PPM1N: variants seen among roughly 807,000 people sequenced by gnomAD.
PPM1N encodes protein phosphatase, Mg2+/Mn2+ dependent 1N (putative).
In PPM1N, 35 loss-of-function variants were observed where a neutral mutation model predicts 32.6. The observed-to-expected ratio is 1.07, with a 90% CI of 0.82 to 1.43. The LOEUF (loss-of-function observed/expected upper bound fraction) is 1.43. PPM1N is among the 40% of genes most tolerant of loss of function. The pLI is 0.00. For synonymous variants in PPM1N, 275 were observed against 270.5 expected, an observed-to-expected ratio of 1.02 and a Z score of -0.16; for missense variants, 648 against 606.6, an observed-to-expected ratio of 1.07 and a Z score of -0.72.
chr19:45,498,583 G>T lies in PPM1N; in HGVS notation c.111G>T (p.Arg37Ser). The change falls in exon 1 of 5, where the codon AGG (arginine) becomes AGT (serine). Residue 37 changes from arginine (R) to serine (S), a missense_variant. Transcript: ENST00000451287. The part of the protein sequence containing the change: ...EEEEEEEAGR[R>S]APEGPRSLLT... Reference sequence around the variant, plus strand: ...AGGAGGAGGAGGAGGCGGGGCGCAGGGCCCCCGAAGGGCCTCGGTCTCTGT... The same window carrying T: ...AGGAGGAGGAGGAGGCGGGGCGCAGTGCCCCCGAAGGGCCTCGGTCTCTGT... 1.4e-6 allele frequency: 2 copies of T among 1,458,836 alleles called. No homozygotes were observed. Among genetic ancestry groups the T allele is most frequent in the East Asian group, 2.9e-5 (1 of 34,230 alleles). 90.4% of individuals were successfully genotyped at this position (1,458,836 alleles called of 1,614,324 possible). A position where few individuals can be genotyped will look rare whatever the true frequency, so the allele number is the denominator to read the frequency against.
Position 45,502,094 on chromosome 19 carries a change from G to A in PPM1N, c.*9G>A, listed in dbSNP as rs1447954895. 1 of 1,586,858 alleles carries A rather than the reference G, an allele frequency of 6.3e-7. No individual in the cohort carries two copies. Among genetic ancestry groups the A allele is most frequent in the East Asian group, 2.4e-5 (1 of 42,260 alleles). ...TGGACATGGAGGCCTGACAGCTGTT[G>A]TCCTTTGGGGATCCTTTGCTTCTCT... is the stretch of plus-strand genomic sequence containing the variant. On this transcript the variant is annotated 3_prime_UTR_variant, in exon 5 of 5. Transcript: ENST00000451287.
chr19:45,499,707 C>G, intron 1 of PPM1N: 1 of 1,545,124 alleles, frequency 6.5e-7, no homozygotes. Flanking sequence ...TTGATTAGTG[C>G]TGGAAGGTGG....
chr19:45,500,715 G>C lies in PPM1N; in HGVS notation c.1224+5G>C. ...GTCTCAGAAGAGTGCGGAGAGGTAAGGATCCTGTGTTCTCCAGTGTTTCTC... is the reference window on the plus strand; with the variant it reads ...GTCTCAGAAGAGTGCGGAGAGGTAACGATCCTGTGTTCTCCAGTGTTTCTC... On this transcript the variant is annotated splice_donor_5th_base_variant and intron_variant, in intron 4 of 4. Transcript: ENST00000451287. 6.3e-7 allele frequency: 1 copy of C among 1,593,504 alleles called. No individual in the cohort carries two copies. The highest frequency in any genetic ancestry group is 8.5e-7 in the Non-Finnish European group (1 of 1,170,204).
chr19:45,501,947 A>C, intron 4 of PPM1N, 70 bp from the exon 5 acceptor site: 2 of 1,077,308 alleles, frequency 1.9e-6, no homozygotes, highest in Non-Finnish European at 2.6e-6. Context: ...GGTCCCTCAA[A>C]GGAAAAGGAA....
chr19:45,499,304 G>A lies in PPM1N; in HGVS notation c.832G>A (p.Asp278Asn), dbSNP rs191046425. ...FMLLASDGVW[D>N]TVSGAALAGL... ...GCTCCTGGCCTCTGATGGCGTCTGG[G>A]ACACTGTGTCTGGTGCTGCCCTGGC... The change falls in exon 1 of 5, where the codon GAC becomes AAC. Residue 278 changes from aspartate (D) to asparagine (N), a missense_variant. By Grantham distance (23) the Asp-to-Asn change is conservative. Coordinates refer to ENST00000451287, the MANE Select transcript of PPM1N (RefSeq NM_001080401.2). The A allele has an allele frequency of 1.3e-4, 215 of 1,613,178 alleles. No homozygotes were observed. The African/African-American group carries it at 2.1e-3, about 16-fold the overall frequency.
rs1328380052 is a variant in PPM1N, at chr19:45,502,339, A to AAC, written c.*255_*256insCA. 1.8e-6 allele frequency: 1 copy of AAC among 552,854 alleles called. No homozygotes were observed. The highest frequency in any genetic ancestry group is 2.1e-5 in the African/African-American group (1 of 46,796). 34.2% of individuals were successfully genotyped at this position (552,854 alleles called of 1,614,324 possible). ...AAAAAAAAAAAAAAAAAAAAACAAA[A>AAC]AAACCCAACCAAATGTTTTTGAAAT... is the stretch of plus-strand genomic sequence containing the variant. On this transcript the variant is annotated 3_prime_UTR_variant, in exon 5 of 5. Coordinates refer to ENST00000451287, the MANE Select transcript of PPM1N (RefSeq NM_001080401.2).
At chr19:45,499,484 G>C in intron 1 of PPM1N, 73 bp downstream of exon 1, 1 of 1,593,030 alleles carries the variant, frequency 6.3e-7, no homozygotes, top group Non-Finnish European at 8.5e-7. Context: ...TTTTGGGGAG[G>C]AGGGCTTTGA....
In PPM1N at chr19:45,499,355, T is replaced by C. The variant is rs766040355; in HGVS notation, c.883T>C (p.Leu295=). Reference sequence around the variant, plus strand: ...GGGACTGGTGGCTTCACGCCTCCGCTTGGGCCTGGCCCCAGAGCTTCTCTG... The same window carrying C: ...GGGACTGGTGGCTTCACGCCTCCGCCTGGGCCTGGCCCCAGAGCTTCTCTG... The part of the protein sequence containing the change: ...LAGLVASRLR[L]GLAPELLCAQ... The change falls in exon 1 of 5, where the codon TTG becomes CTG. Residue 295 remains leucine, a synonymous_variant. Coordinates refer to ENST00000451287, the MANE Select transcript of PPM1N (RefSeq NM_001080401.2). 1.2e-6 allele frequency: 2 copies of C among 1,611,890 alleles called. No homozygotes were observed. Among genetic ancestry groups the C allele is most frequent in the Admixed American group, 3.3e-5 (2 of 59,806 alleles).
Position 45,498,582 on chromosome 19 carries a change from G to A in PPM1N, c.110G>A (p.Arg37Lys). Residue 37 changes from arginine (R) to lysine (K), a missense_variant, in exon 1 of 5, where the codon AGG becomes AAG. By Grantham distance (26) the Arg-to-Lys change is conservative. Coordinates refer to ENST00000451287, the MANE Select transcript of PPM1N (RefSeq NM_001080401.2). Reference sequence around the variant, plus strand: ...GAGGAGGAGGAGGAGGCGGGGCGCAGGGCCCCCGAAGGGCCTCGGTCTCTG... The same window carrying A: ...GAGGAGGAGGAGGAGGCGGGGCGCAAGGCCCCCGAAGGGCCTCGGTCTCTG... Reference protein sequence around the residue: ...EEEEEEEAGRRAPEGPRSLLT... With the variant: ...EEEEEEEAGRKAPEGPRSLLT... The A allele has an allele frequency of 6.8e-7, 1 of 1,459,890 alleles. No individual in the cohort carries two copies. Among genetic ancestry groups the A allele is most frequent in the Non-Finnish European group, 9.0e-7 (1 of 1,110,954 alleles). The allele number at this position is 1,459,890 out of a possible 1,614,324, so 90.4% of individuals were successfully genotyped here. A position where few individuals can be genotyped will look rare whatever the true frequency, so the allele number is the denominator to read the frequency against.
intron 3 of PPM1N, 23 bp downstream of exon 3, chr19:45,500,584 G>A (rs950886817): frequency 6.3e-7 from 1 of 1,595,934 alleles, no homozygotes; most frequent in Non-Finnish European, 8.5e-7. Flanking sequence ...GAGGAAGGGT[G>A]GGGTGGAATG....
Position 45,498,675 on chromosome 19 carries a change from G to C in PPM1N, c.203G>C (p.Gly68Ala), listed in dbSNP as rs773921468. Reference protein sequence around the residue: ...GAEASGGLRFGASAAQGWRAR... With the variant: ...GAEASGGLRFAASAAQGWRAR... ...GAGGCGTCTGGGGGCCTGCGCTTCG[G>C]GGCGAGCGCAGCGCAAGGCTGGCGC... Residue 68 changes from glycine (G) to alanine (A), a missense_variant, in exon 1 of 5, where the codon GGG (glycine) becomes GCG (alanine). Physicochemically the swap from Gly to Ala is moderately conservative, Grantham distance 60. Coordinates refer to ENST00000451287, the MANE Select transcript of PPM1N (RefSeq NM_001080401.2). The C allele has an allele frequency of 3.1e-5, 45 of 1,446,164 alleles. No homozygotes were observed. Among genetic ancestry groups the C allele is most frequent in the African/African-American group, 1.2e-4 (8 of 66,950 alleles). 89.6% of individuals were successfully genotyped at this position (1,446,164 alleles called of 1,614,324 possible).
chr19:45,500,654 A>G lies in PPM1N; in HGVS notation c.1168A>G (p.Thr390Ala). Reference protein sequence around the residue: ...PPGGGLDCKATVIAEVYSQIC... With the variant: ...PPGGGLDCKAAVIAEVYSQIC... ...GGGCCTTCCTGTGCTCTCCAGGGCCACTGTCATTGCTGAAGTTTATTCTCA... is the reference window on the plus strand; with the variant it reads ...GGGCCTTCCTGTGCTCTCCAGGGCCGCTGTCATTGCTGAAGTTTATTCTCA... The change falls in exon 4 of 5, where the codon ACT becomes GCT. Residue 390 changes from threonine (T) to alanine (A), a missense_variant. Coordinates refer to ENST00000451287, the MANE Select transcript of PPM1N (RefSeq NM_001080401.2). The G allele has an allele frequency of 6.2e-7, 1 of 1,602,748 alleles. No homozygotes were observed. The highest frequency in any genetic ancestry group is 8.5e-7 in the Non-Finnish European group (1 of 1,174,840).
Position 45,502,378 on chromosome 19 carries a change from C to G in PPM1N, c.*293C>G, listed in dbSNP as rs1341086635. 6 of 522,710 alleles carry G rather than the reference C, an allele frequency of 1.1e-5. No individual in the cohort carries two copies. Among genetic ancestry groups the G allele is most frequent in the Non-Finnish European group, 1.9e-5 (6 of 312,944 alleles). 32.4% of individuals were successfully genotyped at this position (522,710 alleles called of 1,614,324 possible). A position where few individuals can be genotyped will look rare whatever the true frequency, so the allele number is the denominator to read the frequency against. On this transcript the variant is annotated 3_prime_UTR_variant, in exon 5 of 5. Coordinates refer to ENST00000451287, the MANE Select transcript of PPM1N (RefSeq NM_001080401.2). ...TGTTTTTGAAATATTCAGAGCCGAA[C>G]AGATTCTGAGAGATAACCCAGTCCA... is the stretch of plus-strand genomic sequence containing the variant.
Position 45,498,957 on chromosome 19 carries a change from G to C in PPM1N, c.485G>C (p.Gly162Ala). ...RSLWPRVETGGCTAVVLLVSP... is the reference protein window; with the variant it reads ...RSLWPRVETGACTAVVLLVSP... ...CTCTGGCCCCGCGTGGAAACGGGCG[G>C]CTGCACGGCCGTGGTGTTGCTGGTC... Residue 162 changes from glycine (G) to alanine (A), a missense_variant, in exon 1 of 5, where the codon GGC (glycine) becomes GCC (alanine). Coordinates refer to ENST00000451287, the MANE Select transcript of PPM1N (RefSeq NM_001080401.2). The C allele has an allele frequency of 6.4e-7, 1 of 1,555,714 alleles. No homozygotes were observed. Among genetic ancestry groups the C allele is most frequent in the South Asian group, 1.2e-5 (1 of 85,688 alleles).
At position 45,499,912 on chromosome 19, in the gene PPM1N, C is replaced by G. The variant is rs746491040; in HGVS notation, c.940-37C>G. The G allele has an allele frequency of 1.0e-5, 16 of 1,550,534 alleles. No individual in the cohort carries two copies. In the Admixed American group the frequency reaches 2.9e-4, roughly 29 times the overall value. ...TTGTTGGGAAGCTCTGCCTTGGACT[C>G]TCCCCCACCGGGCTCCTTTTTCTCC... On this transcript the variant is annotated intron_variant, in intron 1 of 4. Transcript: ENST00000451287.
Position 45,500,517 on chromosome 19 carries a change from A to G in PPM1N, c.1119A>G (p.Ser373=). The G allele has an allele frequency of 1.2e-6, 2 of 1,611,784 alleles. No homozygotes were observed. Among genetic ancestry groups the G allele is most frequent in the Non-Finnish European group, 8.5e-7 (1 of 1,178,942 alleles). Residue 373 remains serine (S), a synonymous_variant, in exon 3 of 5, where the codon TCA becomes TCG. Transcript: ENST00000451287. ...SLNTVFRTLA[S]EDIPDLPPGG... ...ACACAGTTTTCAGGACTCTGGCCTC[A>G]GAGGACATCCCAGATTTACCTCCTG...
In PPM1N at chr19:45,499,324, C is replaced by A; in HGVS notation, c.852C>A (p.Ala284=). 1 of 1,613,030 alleles carries A rather than the reference C, an allele frequency of 6.2e-7. No individual in the cohort carries two copies. The highest frequency in any genetic ancestry group is 8.5e-7 in the Non-Finnish European group (1 of 1,179,848). Residue 284 remains alanine, a synonymous_variant, in exon 1 of 5, where the codon GCC becomes GCA. Transcript: ENST00000451287. The stretch of plus-strand genomic sequence containing the variant: ...TCTGGGACACTGTGTCTGGTGCTGC[C>A]CTGGCGGGACTGGTGGCTTCACGCC... ...DGVWDTVSGA[A]LAGLVASRLR...
Position 45,499,293 on chromosome 19 carries a change from A to T in PPM1N, c.821A>T (p.Asp274Val). 1 of 1,613,020 alleles carries T rather than the reference A, an allele frequency of 6.2e-7. No homozygotes were observed. Among genetic ancestry groups the T allele is most frequent in the Non-Finnish European group, 8.5e-7 (1 of 1,179,820 alleles). The change falls in exon 1 of 5, where the codon GAT becomes GTT. Residue 274 changes from aspartate to valine, a missense_variant. By Grantham distance (152) the Asp-to-Val change is radical. Transcript: ENST00000451287. ...GACGAGTTCATGCTCCTGGCCTCTG[A>T]TGGCGTCTGGGACACTGTGTCTGGT... Reference protein sequence around the residue: ...AEDEFMLLASDGVWDTVSGAA... With the variant: ...AEDEFMLLASVGVWDTVSGAA...
rs1270297684 is a variant in PPM1N at position 45,500,536 on chromosome 19, C to A, written c.1138C>A (p.Pro380Thr). Residue 380 changes from proline (P) to threonine (T), a missense_variant, in exon 3 of 5, where the codon CCT becomes ACT. Transcript: ENST00000451287. ...GGCCTCAGAGGACATCCCAGATTTA[C>A]CTCCTGGGGGAGGGCTGGACTGCAA... ...TLASEDIPDL[P>T]PGGGLDCKAT... The A allele has an allele frequency of 6.2e-7, 1 of 1,611,028 alleles. No individual in the cohort carries two copies. Among genetic ancestry groups the A allele is most frequent in the Non-Finnish European group, 8.5e-7 (1 of 1,178,656 alleles).
Sources: gnomAD v4.1 joint callset for allele counts on GRCh38, gnomAD v4.1.1 for gene constraint, MANE v1.5 for transcripts, NCBI Gene and HGNC (gene_info 2026-07-23, HGNC 2026-07-21) for gene names.